Variants in SLC24A4 observed in about 807,000 individuals in gnomAD.
The protein encoded by SLC24A4 is sodium/potassium/calcium exchanger 4.
In SLC24A4, 53 loss-of-function variants were observed where a neutral mutation model predicts 79.0. The observed-to-expected ratio is 0.67, with a 90% CI of 0.54 to 0.84. The LOEUF (loss-of-function observed/expected upper bound fraction) is 0.84, where lower values mean the gene tolerates loss of function less well. Among genes scored for constraint, SLC24A4 ranks in the 40% least tolerant of loss-of-function variants. The pLI is 0.00. For synonymous variants in SLC24A4, 323 were observed against 323.8 expected, an observed-to-expected ratio of 1.00 and a Z score of 0.03; for missense variants, 731 against 822.0, an observed-to-expected ratio of 0.89 and a Z score of 1.35.
At chr14:92,376,932 C>G (rs61975598) in intron 2 of SLC24A4, among the ~76,000 whole-genome samples, 16,141 of 152,234 alleles carry the variant, frequency 0.11, 1,007 homozygotes, top group African/African-American at 0.16. Context: ...GGACCAAGAA[C>G]TATCTGGCCC....
intron 2 of SLC24A4, among the ~76,000 whole-genome samples, chr14:92,375,795 G>T (rs1888465728): frequency 6.6e-6 from 1 of 152,186 alleles, no homozygotes. Context: ...GTTGTCAAGG[G>T]CTGTGGGGGA....
At chr14:92,396,209 G>A (rs1889768023) in intron 2 of SLC24A4, among the ~76,000 whole-genome samples, 1 of 152,210 alleles carries the variant, frequency 6.6e-6, no homozygotes, top group Non-Finnish European at 1.5e-5. Flanking sequence ...GTCTAGTTTG[G>A]TGTGGGTTGT....
intron 12 of SLC24A4, among the ~76,000 whole-genome samples, chr14:92,477,005 G>A (rs983692262): frequency 4.6e-5 from 7 of 152,178 alleles, no homozygotes; most frequent in Non-Finnish European, 8.8e-5. Flanking sequence ...TAATGCTGCT[G>A]TGAACATTTG....
rs1323052701 is a variant in SLC24A4 at position 92,482,829 on chromosome 14, T to C, written c.1405T>C (p.Tyr469His). Residue 469 changes from tyrosine (Y) to histidine (H), a missense_variant, in exon 13 of 17, where the codon TAC becomes CAC. Tyr to His is a moderately conservative substitution (Grantham distance 83). Transcript: ENST00000532405. ...TATLWIAVFS[Y>H]IMVWLVTIIG... ...CACGCTGTGGATCGCTGTGTTCTCCTACATCATGGTGTGGCTGGTGAGTGG... is the reference window on the plus strand; with the variant it reads ...CACGCTGTGGATCGCTGTGTTCTCCCACATCATGGTGTGGCTGGTGAGTGG... The C allele has an allele frequency of 6.8e-6, 11 of 1,612,592 alleles. No individual in the cohort carries two copies. Among genetic ancestry groups the C allele is most frequent in the Non-Finnish European group, 8.5e-6 (10 of 1,179,010 alleles).
chr14:92,497,445 C>T lies in SLC24A4; in HGVS notation c.*3817C>T, dbSNP rs80171805. The T allele has an allele frequency of 7.7e-3, 1,175 of 152,512 alleles. 7 individuals carry two copies. The highest frequency in any genetic ancestry group is 0.014 in the Middle Eastern group (4 of 294). The allele number at this position is 152,512 out of a possible 1,614,324, so 9.4% of individuals were successfully genotyped here. On this transcript the variant is annotated 3_prime_UTR_variant, in exon 17 of 17. Coordinates refer to ENST00000532405, the MANE Select transcript of SLC24A4 (RefSeq NM_153646.4). Reference sequence around the variant, plus strand: ...GTGGGGGGTGTCATTGCTGGATACCCGTCTTTCTGCCTGTCCTTTCTCCTC... The same window carrying T: ...GTGGGGGGTGTCATTGCTGGATACCTGTCTTTCTGCCTGTCCTTTCTCCTC...
intron 2 of SLC24A4, among the ~76,000 whole-genome samples, chr14:92,429,740 T>C (rs1228650520): frequency 6.6e-6 from 1 of 152,224 alleles, no homozygotes; most frequent in Non-Finnish European, 1.5e-5. Context: ...GCTTCCAAGC[T>C]GGGTTCTTCT....
intron 1 of SLC24A4, 111 bp downstream of exon 1, chr14:92,324,071 G>C: frequency 7.0e-7 from 1 of 1,423,232 alleles, no homozygotes; most frequent in Non-Finnish European, 9.3e-7. Context: ...TTGGTCCCAA[G>C]GGTTCATCCA....
intron 8 of SLC24A4, among the ~76,000 whole-genome samples, chr14:92,446,965 C>T (rs1284898145): frequency 6.6e-6 from 1 of 152,240 alleles, no homozygotes; most frequent in African/African-American, 2.4e-5. Flanking sequence ...CCTCCCACAC[C>T]CACAGCTTCT....
intron 2 of SLC24A4, among the ~76,000 whole-genome samples, chr14:92,387,358 G>A (rs2141725858): frequency 6.6e-6 from 1 of 152,014 alleles, no homozygotes; most frequent in Admixed American, 6.5e-5. Context: ...AGTATTTTTA[G>A]TAGAGACGGG....
At position 92,484,295 on chromosome 14, in the gene SLC24A4, G is replaced by T. The variant is rs1043502049; in HGVS notation, c.1422+1449G>T. On this transcript the variant is annotated intron_variant, in intron 13 of 16. Transcript: ENST00000532405. The stretch of plus-strand genomic sequence containing the variant: ...CTCACCTCAGATGCTTCCTCAGGCT[G>T]ATCAGAGACCTGCCGCAACCTCTGT... The T allele has an allele frequency of 1.2e-5, 12 of 985,272 alleles. No individual in the cohort carries two copies. The African/African-American group carries it at 2.1e-4, about 17-fold the overall frequency. 61.0% of individuals were successfully genotyped at this position (985,272 alleles called of 1,614,324 possible).
intron 2 of SLC24A4, among the ~76,000 whole-genome samples, chr14:92,333,233 A>G (rs187954994): frequency 1.3e-5 from 2 of 152,192 alleles, no homozygotes. Flanking sequence ...AGCTGGGATT[A>G]CAGGCGCCCA....
intron 2 of SLC24A4, among the ~76,000 whole-genome samples, chr14:92,373,171 T>TAC (rs66513416): frequency 0.14 from 19,662 of 142,782 alleles, 1,352 homozygotes; most frequent in East Asian, 0.24. Context: ...AGCTAATTTA[T>TAC]ACACACACAC....
chr14:92,442,852 C>T, intron 6 of SLC24A4, 36 bp downstream of exon 6: 1 of 1,535,072 alleles, frequency 6.5e-7, no homozygotes, highest in East Asian at 2.3e-5. Flanking sequence ...CAGATGCATG[C>T]CCTGAAGCGT....
chr14:92,419,477 C>T (rs185553640), intron 2 of SLC24A4, among the ~76,000 whole-genome samples: 468 of 152,328 alleles, frequency 3.1e-3, no homozygotes, highest in African/African-American at 0.011. Context: ...TCCATGTTGG[C>T]AATGATGGAA....
intron 3 of SLC24A4, among the ~76,000 whole-genome samples, chr14:92,436,446 A>G (rs906578790): frequency 6.6e-6 from 1 of 151,742 alleles, no homozygotes; most frequent in African/African-American, 2.4e-5. Flanking sequence ...AACTGTTTTT[A>G]TAAATAAAGT....
intron 12 of SLC24A4, among the ~76,000 whole-genome samples, chr14:92,459,744 T>C (rs1047594483): frequency 5.3e-5 from 8 of 152,052 alleles, no homozygotes; most frequent in African/African-American, 1.7e-4. Context: ...TACAGCTGCT[T>C]CTCGTTTAGG....
chr14:92,443,630 C>T (rs1484763877), intron 7 of SLC24A4, among the ~76,000 whole-genome samples, 156 bp downstream of exon 7: 8 of 152,192 alleles, frequency 5.3e-5, no homozygotes, highest in Admixed American at 2.0e-4. Context: ...CAGTGACCAG[C>T]GCCCCGACCC....
intron 2 of SLC24A4, among the ~76,000 whole-genome samples, chr14:92,356,373 T>TA (rs1887182504): frequency 6.6e-6 from 1 of 152,220 alleles, no homozygotes; most frequent in African/African-American, 2.4e-5. Context: ...ATGTGACATT[T>TA]TCCTTGTGAA....
chr14:92,453,681 C>G (rs879781170), intron 10 of SLC24A4: 22 of 503,130 alleles, frequency 4.4e-5, no homozygotes, highest in Admixed American at 1.7e-4. Context: ...CAAGGGGACA[C>G]ACTGGGCTTC....
Sources: allele counts gnomAD v4.1 joint callset (sites outside exome capture counted in the v4.1 genomes callset), GRCh38; gene constraint gnomAD v4.1.1; transcripts MANE v1.5; gene names NCBI Gene and HGNC (gene_info 2026-07-23, HGNC 2026-07-21).